The following MAST2 variants were observed in gnomAD, a reference collection of about 807,000 sequenced individuals.
MAST2 encodes the protein microtubule-associated serine/threonine-protein kinase 2.
A neutral mutation model predicts 147.4 loss-of-function variants in MAST2; 70 were observed. That is an observed-to-expected ratio of 0.47 (90% CI 0.39 to 0.58). MAST2 has a LOEUF of 0.58. Ranked by LOEUF, MAST2 falls within the 20% of genes least tolerant of loss-of-function variation. The pLI is 0.00. For synonymous variants in MAST2, 869 were observed against 896.8 expected (o/e 0.97, Z 0.55); for missense variants, 2,080 against 2,302.3 (o/e 0.90, Z 1.98).
At chr1:45,936,198 A>C (rs1401139134) in intron 4 of MAST2, among the ~76,000 whole-genome samples, 1 of 152,142 alleles carries the variant, frequency 6.6e-6, no homozygotes, top group East Asian at 1.9e-4. Flanking sequence ...CTCAGCTTGG[A>C]CGTCATTGGA....
intron 4 of MAST2, among the ~76,000 whole-genome samples, chr1:45,952,329 G>C (rs954856552): frequency 4.6e-5 from 7 of 152,306 alleles, no homozygotes; most frequent in South Asian, 2.1e-4. Flanking sequence ...AGAGTCCACA[G>C]AGACAGTGAA....
At position 46,023,155 on chromosome 1, in the gene MAST2, A is replaced by G; in HGVS notation, c.1486-78A>G. ...TGCACTAGAGCTGACAGCTGAGAAG[A>G]TGCTAGAGCCACAGCTTCTGCAAGG... On this transcript the variant is annotated intron_variant, in intron 13 of 28. Coordinates refer to ENST00000361297, the MANE Select transcript of MAST2 (RefSeq NM_015112.3). The surrounding 1 kb of genome is among the most constrained non-coding windows in gnomAD (Gnocchi z 4.9). The G allele has an allele frequency of 7.3e-7, 1 of 1,366,170 alleles. No homozygotes were observed. Among genetic ancestry groups the G allele is most frequent in the Non-Finnish European group, 1.0e-6 (1 of 954,478 alleles). The allele number at this position is 1,366,170 out of a possible 1,614,324, so 84.6% of individuals were successfully genotyped here.
rs1463389927 is a variant in MAST2 at position 46,031,312 on chromosome 1, A to C, written c.2992+22A>C. On this transcript the variant is annotated intron_variant, in intron 23 of 28. Coordinates refer to ENST00000361297, the MANE Select transcript of MAST2 (RefSeq NM_015112.3). This position sits in a 1 kb window ranked among gnomAD's most constrained non-coding sequence, Gnocchi z 4.1. Reference sequence around the variant, plus strand: ...CCAGGTATGGCCCAGTGGGCGGCCAAACGACCTAAGCTGGAGGATACTGCA... The same window carrying C: ...CCAGGTATGGCCCAGTGGGCGGCCACACGACCTAAGCTGGAGGATACTGCA... 2 of 1,542,984 alleles carry C rather than the reference A, an allele frequency of 1.3e-6. No individual in the cohort carries two copies. The highest frequency in any genetic ancestry group is 1.4e-5 in the African/African-American group (1 of 73,026).
At chr1:45,949,444 C>T (rs930457981) in intron 4 of MAST2, among the ~76,000 whole-genome samples, 3 of 152,014 alleles carry the variant, frequency 2.0e-5, no homozygotes, top group Non-Finnish European at 2.9e-5. Context: ...GGCATACATG[C>T]GACCAACAAG....
At chr1:45,882,444 C>T (rs1444314079) in intron 4 of MAST2, 49 bp downstream of exon 4, 6 of 1,415,036 alleles carry the variant, frequency 4.2e-6, no homozygotes, top group Non-Finnish European at 6.0e-6. Context: ...TACTTAGGAA[C>T]CCCTCTTGGG....
chr1:46,005,117 C>T (rs1385633026), intron 7 of MAST2, among the ~76,000 whole-genome samples: 1 of 152,212 alleles, frequency 6.6e-6, no homozygotes, highest in Non-Finnish European at 1.5e-5. Context: ...AATCCCAGCA[C>T]TTTGGGAGGC....
intron 4 of MAST2, among the ~76,000 whole-genome samples, chr1:45,886,123 A>C (rs1570546572): frequency 1.3e-5 from 2 of 151,764 alleles, no homozygotes; most frequent in East Asian, 3.9e-4. Flanking sequence ...AAAATCAAAA[A>C]ATTTTGTATT....
chr1:45,831,410 T>C (rs1389543759), intron 3 of MAST2, among the ~76,000 whole-genome samples: 4 of 152,144 alleles, frequency 2.6e-5, no homozygotes, highest in Non-Finnish European at 5.9e-5. Context: ...GTGTAGCAGG[T>C]GGGAGGCTAA....
chr1:45,946,310 G>A (rs1658015634), intron 4 of MAST2, among the ~76,000 whole-genome samples: 1 of 152,028 alleles, frequency 6.6e-6, no homozygotes, highest in Non-Finnish European at 1.5e-5. Context: ...AAGGTGTGGT[G>A]GAAAATCCTA....
intron 7 of MAST2, among the ~76,000 whole-genome samples, chr1:46,003,422 A>G (rs1311926465): frequency 6.6e-6 from 1 of 152,194 alleles, no homozygotes; most frequent in Non-Finnish European, 1.5e-5. Flanking sequence ...CTAAAACACA[A>G]GAGCTGTACT....
chr1:45,810,857 C>CTT lies in MAST2; in HGVS notation c.177+6799_177+6800dup, dbSNP rs1221701114. 1.9e-3 allele frequency among the ~76,000 whole-genome samples: 228 copies of CTT among 119,962 alleles called. 1 individual carries two copies. The highest frequency in any genetic ancestry group is 8.2e-3 in the East Asian group (30 of 3,678). The allele number at this position is 119,962 out of a possible 152,430, so 78.7% of individuals were successfully genotyped here. On this transcript the variant is annotated intron_variant, in intron 1 of 28. Coordinates refer to ENST00000361297, the MANE Select transcript of MAST2 (RefSeq NM_015112.3). ...ATAATAAGTAGGGGAGCAGTATATT[C>CTT]TTTTTTTTTTTTTTTGAGGCAGTCT...
intron 5 of MAST2, among the ~76,000 whole-genome samples, chr1:45,973,070 A>G (rs1332726894): frequency 6.6e-6 from 1 of 152,184 alleles, no homozygotes; most frequent in Admixed American, 6.5e-5. Context: ...TTGCAGCTGT[A>G]AAACTCTTCA....
chr1:46,030,600 C>T lies in MAST2; in HGVS notation c.2554-7C>T, dbSNP rs1235194633. ...GCCCATCCCCAGCGCATCCCCTGTGCCCACAGGTGTACAGCAGCATGGAGC... is the reference window on the plus strand; with the variant it reads ...GCCCATCCCCAGCGCATCCCCTGTGTCCACAGGTGTACAGCAGCATGGAGC... On this transcript the variant is annotated splice_polypyrimidine_tract_variant and splice_region_variant and intron_variant, in intron 21 of 28. Coordinates refer to ENST00000361297, the MANE Select transcript of MAST2 (RefSeq NM_015112.3). 1.9e-6 allele frequency: 3 copies of T among 1,602,652 alleles called. No individual in the cohort carries two copies. The highest frequency in any genetic ancestry group is 4.5e-5 in the East Asian group (2 of 44,686).
intron 17 of MAST2, 109 bp downstream of exon 17, chr1:46,027,972 G>A (rs143606091): frequency 5.8e-5 from 78 of 1,348,626 alleles, no homozygotes; most frequent in Middle Eastern, 3.9e-4. Flanking sequence ...CAGGAGGATC[G>A]CTTGAGGCCA....
intron 3 of MAST2, among the ~76,000 whole-genome samples, chr1:45,878,747 TA>T (rs773689071): frequency 6.6e-6 from 1 of 152,162 alleles, no homozygotes; most frequent in Non-Finnish European, 1.5e-5. Flanking sequence ...ATAATAGCTT[TA>T]AAAAATCTAC....
chr1:45,931,416 C>G (rs143186998), intron 4 of MAST2, among the ~76,000 whole-genome samples: 24 of 112,984 alleles, frequency 2.1e-4, no homozygotes, highest in African/African-American at 8.2e-4. Flanking sequence ...GAGTCTTGCT[C>G]TGTTGCCCAG....
intron 3 of MAST2, chr1:45,847,313 A>G (rs1645468612): frequency 2.0e-6 from 1 of 498,602 alleles, no homozygotes; most frequent in East Asian, 5.2e-5. Flanking sequence ...TGTCCCTGAT[A>G]CTGTTATGTA....
chr1:45,913,059 C>T (rs1041765977), intron 4 of MAST2, among the ~76,000 whole-genome samples: 2 of 152,144 alleles, frequency 1.3e-5, no homozygotes, highest in African/African-American at 4.8e-5. Context: ...AGTTTCTGGG[C>T]TTATTTTCTT....
intron 4 of MAST2, among the ~76,000 whole-genome samples, chr1:45,935,623 T>A (rs1249670408): frequency 1.3e-5 from 2 of 152,212 alleles, no homozygotes; most frequent in Non-Finnish European, 2.9e-5. Flanking sequence ...TAGCCAGTTA[T>A]CCCAGCACCA....
Sources: allele counts gnomAD v4.1 joint callset (sites outside exome capture counted in the v4.1 genomes callset), GRCh38; gene constraint gnomAD v4.1.1; non-coding constraint Gnocchi (gnomAD v3.1); transcripts MANE v1.5; gene names NCBI Gene and HGNC (gene_info 2026-07-23, HGNC 2026-07-21).